The following UGT1A5 variants were observed in gnomAD, a reference collection of about 807,000 sequenced individuals.
The protein encoded by UGT1A5 is UDP glucuronosyltransferase family 1 member A5.
Under a neutral mutation model 40.3 loss-of-function variants are expected in UGT1A5, and 29 were observed. The ratio of observed to expected loss-of-function variants is 0.72; its 90% CI spans 0.54 to 0.98. The LOEUF is 0.98. UGT1A5 is among the 50% of genes least tolerant of loss of function. The pLI, the probability that UGT1A5 is intolerant of heterozygous loss-of-function variation, is 0.00. For synonymous variants in UGT1A5, 257 were observed against 262.5 expected (o/e 0.98, Z 0.20); for missense variants, 678 against 677.9 (o/e 1.00, Z 0.00).
At chr2:233,761,081 C>T in intron 1 of UGT1A5, 2 of 1,614,180 alleles carry the variant, frequency 1.2e-6, no homozygotes, top group Non-Finnish European at 1.7e-6. Flanking sequence ...AAGGATTACC[C>T]TAGGCCCATC....
intron 1 of UGT1A5, among the ~76,000 whole-genome samples, chr2:233,731,469 T>C (rs1244110425): frequency 6.6e-6 from 1 of 152,156 alleles, no homozygotes; most frequent in Non-Finnish European, 1.5e-5. Context: ...TGGCGTGTGA[T>C]GTTCCCTGGC....
At chr2:233,751,292 A>C (rs1369040584) in intron 1 of UGT1A5, among the ~76,000 whole-genome samples, 1 of 151,886 alleles carries the variant, frequency 6.6e-6, no homozygotes, top group East Asian at 1.9e-4. Flanking sequence ...TCCCATTTGG[A>C]ATGGGAATAT....
chr2:233,734,616 T>C (rs2078540988), intron 1 of UGT1A5, among the ~76,000 whole-genome samples: 1 of 152,220 alleles, frequency 6.6e-6, no homozygotes, highest in Admixed American at 6.5e-5. Context: ...AGTGTGTTGA[T>C]TTTAGATCTT....
chr2:233,743,077 A>C (rs980978105), intron 1 of UGT1A5: 3 of 344,556 alleles, frequency 8.7e-6, no homozygotes, highest in African/African-American at 2.2e-5. Context: ...TGTTGGCATG[A>C]AGTGTTTATA....
At chr2:233,747,423 CAA>C (rs113576188) in intron 1 of UGT1A5, 84,087 of 1,608,036 alleles carry the variant, frequency 0.052, 2,713 homozygotes, top group Non-Finnish European at 0.063. Context: ...GCACATCAAA[CAA>C]GAGAAATTTT....
intron 1 of UGT1A5, among the ~76,000 whole-genome samples, chr2:233,726,356 A>T (rs1313638283): frequency 1.3e-5 from 2 of 152,182 alleles, no homozygotes; most frequent in Non-Finnish European, 2.9e-5. Context: ...TTATTTATTT[A>T]AAACACAACA....
intron 1 of UGT1A5, among the ~76,000 whole-genome samples, chr2:233,754,050 C>A (rs1695383266): frequency 6.6e-6 from 1 of 152,230 alleles, no homozygotes; most frequent in Non-Finnish European, 1.5e-5. Flanking sequence ...GCCAGGTTTA[C>A]CTGCTTTTAT....
chr2:233,714,641 A>G (rs2076402561), intron 1 of UGT1A5, among the ~76,000 whole-genome samples: 1 of 152,230 alleles, frequency 6.6e-6, no homozygotes. Flanking sequence ...ATTAATGTGA[A>G]TAATGCATTT....
At chr2:233,746,495 C>G (rs536618082) in intron 1 of UGT1A5, among the ~76,000 whole-genome samples, 12 of 151,904 alleles carry the variant, frequency 7.9e-5, no homozygotes, top group Admixed American at 4.6e-4. Context: ...ACATGTCACT[C>G]TTTAGTAGCC....
chr2:233,765,338 A>G lies in UGT1A5; in HGVS notation c.868-1696A>G, dbSNP rs1698804627. On this transcript the variant is annotated intron_variant, in intron 1 of 4. Transcript: ENST00000373414. ...TTATTGCAGCACTATTCACAATAAC[A>G]AAGTCATGGAACCAACCCAGATGCC... Among the ~76,000 whole-genome samples the G allele has an allele frequency of 3.9e-5, 6 of 152,242 alleles. No individual in the cohort carries two copies. In the South Asian group the frequency reaches 1.0e-3, roughly 26 times the overall value.
intron 1 of UGT1A5, among the ~76,000 whole-genome samples, chr2:233,745,315 A>G (rs1693069084): frequency 2.0e-5 from 3 of 151,844 alleles, no homozygotes; most frequent in African/African-American, 4.9e-5. Flanking sequence ...GATTATTTCC[A>G]CTAGAACTGC....
chr2:233,722,566 G>A (rs901908747), intron 1 of UGT1A5, among the ~76,000 whole-genome samples: 44 of 152,258 alleles, frequency 2.9e-4, no homozygotes, highest in Non-Finnish European at 5.7e-4. Flanking sequence ...ATTTGTAGCT[G>A]CTTTTGCAAC....
At chr2:233,766,543 C>T (rs1171060177) in intron 1 of UGT1A5, among the ~76,000 whole-genome samples, 8 of 152,170 alleles carry the variant, frequency 5.3e-5, no homozygotes, top group Admixed American at 5.2e-4. Flanking sequence ...AACAAAAATG[C>T]CTGTCCTCAC....
intron 1 of UGT1A5, among the ~76,000 whole-genome samples, chr2:233,728,438 T>G (rs767201537): frequency 1.4e-4 from 22 of 152,276 alleles, no homozygotes; most frequent in Non-Finnish European, 2.1e-4. Context: ...CCATGGTGTA[T>G]ATGGAGAATC....
chr2:233,768,207 T>G lies in UGT1A5; in HGVS notation c.1088-13T>G, dbSNP rs1370777582. ...GATGTAACTGCTGACATCCTCCCTA[T>G]TTTGCATCTCAGGTCACCCGATGAC... is the stretch of plus-strand genomic sequence containing the variant. On this transcript the variant is annotated splice_polypyrimidine_tract_variant and intron_variant, in intron 3 of 4. Transcript: ENST00000373414. 6.2e-7 allele frequency: 1 copy of G among 1,614,218 alleles called. No homozygotes were observed. The highest frequency in any genetic ancestry group is 1.1e-5 in the South Asian group (1 of 91,088).
intron 1 of UGT1A5, among the ~76,000 whole-genome samples, chr2:233,734,079 A>C (rs1004495311): frequency 1.5e-4 from 23 of 152,156 alleles, no homozygotes; most frequent in African/African-American, 5.6e-4. Context: ...CACATTGTGC[A>C]CATGCACCCT....
chr2:233,729,850 G>A (rs916795505), intron 1 of UGT1A5: 7 of 1,613,752 alleles, frequency 4.3e-6, no homozygotes, highest in African/African-American at 1.3e-5. Context: ...TTTTCAGAGA[G>A]AGGTGTCAGT....
chr2:233,769,914 G>A lies in UGT1A5; in HGVS notation c.1307+1475G>A, dbSNP rs530436161. ...AACCTGAGCATCATGTGCCCAGAGCGTTGGGTGGTGTGGTCCCATTCCTTC... is the reference window on the plus strand; with the variant it reads ...AACCTGAGCATCATGTGCCCAGAGCATTGGGTGGTGTGGTCCCATTCCTTC... On this transcript the variant is annotated intron_variant, in intron 4 of 4. Coordinates refer to ENST00000373414, the MANE Select transcript of UGT1A5 (RefSeq NM_019078.2). The surrounding 1 kb of genome is among the most constrained non-coding windows in gnomAD (Gnocchi z 4.4). The A allele has an allele frequency of 6.5e-5, 19 of 292,140 alleles. No homozygotes were observed. The highest frequency in any genetic ancestry group is 1.0e-3 in the Middle Eastern group (1 of 988). 18.1% of individuals were successfully genotyped at this position (292,140 alleles called of 1,614,324 possible).
chr2:233,755,100 G>A, intron 1 of UGT1A5: 9 of 1,335,078 alleles, frequency 6.7e-6, no homozygotes, highest in South Asian at 1.1e-5. Context: ...CTACGCGTCC[G>A]ACAACACCTC....
Sources: gnomAD v4.1 joint callset for allele counts (sites outside exome capture counted in the v4.1 genomes callset) on GRCh38, gnomAD v4.1.1 for gene constraint, Gnocchi (gnomAD v3.1) non-coding constraint, MANE v1.5 for transcripts, NCBI Gene and HGNC (gene_info 2026-07-23, HGNC 2026-07-21) for gene names.